KIRREL3: variants seen among roughly 807,000 people sequenced by gnomAD.
The protein encoded by KIRREL3 is kirre like nephrin family adhesion molecule 3, also known as kin of IRRE-like protein 3.
KIRREL3 carries 36 observed loss-of-function variants against 89.7 expected under a neutral mutation model. The ratio of observed to expected loss-of-function variants is 0.40; its 90% CI spans 0.31 to 0.53. The LOEUF (loss-of-function observed/expected upper bound fraction) is 0.53, where lower values mean the gene tolerates loss of function less well. KIRREL3 is among the 20% of genes least tolerant of loss of function. The pLI, the probability that KIRREL3 is intolerant of heterozygous loss-of-function variation, is 0.49. For missense variants in KIRREL3, 864 were observed against 1,056.6 expected (o/e 0.82, Z 2.53); for synonymous variants, 445 against 441.4 (o/e 1.01, Z -0.10).
At chr11:126,779,523 A>G (rs1199692198) in intron 1 of KIRREL3, among the ~76,000 whole-genome samples, 1 of 152,112 alleles carries the variant, frequency 6.6e-6, no homozygotes, top group Non-Finnish European at 1.5e-5. Context: ...ATCTTGCCCA[A>G]TCATTATAAC....
intron 11 of KIRREL3, among the ~76,000 whole-genome samples, chr11:126,438,492 C>A (rs534261240): frequency 6.6e-6 from 1 of 152,218 alleles, no homozygotes; most frequent in Non-Finnish European, 1.5e-5. Context: ...TCTACACACC[C>A]GGTGCCAGGA....
rs1343562957 is a variant in KIRREL3, at chr11:126,677,699, T to G, written c.56-114787A>C. On this transcript the variant is annotated intron_variant, in intron 1 of 16. Coordinates refer to ENST00000525144, the MANE Select transcript of KIRREL3 (RefSeq NM_032531.4). This position sits in a 1 kb window ranked among gnomAD's most constrained non-coding sequence, Gnocchi z 5.1. ...TCCACCAGCAGCTCGCACGAGTGGGTCCTCCCAGAATGAGTCCAGGGGAGC... is the reference window on the plus strand; with the variant it reads ...TCCACCAGCAGCTCGCACGAGTGGGGCCTCCCAGAATGAGTCCAGGGGAGC... Among the ~76,000 whole-genome samples, 1 of 151,794 alleles carries G rather than the reference T, an allele frequency of 6.6e-6. No individual in the cohort carries two copies. Among genetic ancestry groups the G allele is most frequent in the African/African-American group, 2.4e-5 (1 of 41,288 alleles).
intron 1 of KIRREL3, among the ~76,000 whole-genome samples, chr11:126,998,743 A>G (rs543048588): frequency 6.6e-6 from 1 of 152,312 alleles, no homozygotes; most frequent in South Asian, 2.1e-4. Context: ...CAATCTACAT[A>G]AGTATCACGG....
Position 126,882,113 on chromosome 11 carries a change from C to T in KIRREL3, c.55+118342G>A, listed in dbSNP as rs75651328. On this transcript the variant is annotated intron_variant, in intron 1 of 16. Coordinates refer to ENST00000525144, the MANE Select transcript of KIRREL3 (RefSeq NM_032531.4). ...TGGAACATCTAGGAAATGAGCAGTT[C>T]AGTCCTGGAAACTTTGTTCACCCTG... 1.4e-3 allele frequency among the ~76,000 whole-genome samples: 211 copies of T among 152,230 alleles called. 3 individuals are homozygous for T. The highest frequency in any genetic ancestry group is 4.1e-3 in the African/African-American group (172 of 41,532).
chr11:126,712,563 C>A (rs543536477), intron 1 of KIRREL3, among the ~76,000 whole-genome samples: 1 of 152,188 alleles, frequency 6.6e-6, no homozygotes, highest in Non-Finnish European at 1.5e-5. Flanking sequence ...ATATTGCCAC[C>A]TCATTCTCCG....
At chr11:126,952,567 C>A (rs925498835) in intron 1 of KIRREL3, among the ~76,000 whole-genome samples, 2 of 152,156 alleles carry the variant, frequency 1.3e-5, no homozygotes, top group African/African-American at 4.8e-5. Context: ...TTTTGCTATG[C>A]AGAAGCTCTT....
rs1403058872 is a variant in KIRREL3, at chr11:126,953,234, C to G, written c.55+47221G>C. Among the ~76,000 whole-genome samples the G allele has an allele frequency of 6.6e-6, 1 of 150,888 alleles. No individual in the cohort carries two copies. Among genetic ancestry groups the G allele is most frequent in the Non-Finnish European group, 1.5e-5 (1 of 67,904 alleles). ...CATTCTCAGCAAACTAACACAGGAA[C>G]AGAAAACCAAATATCACATGTTCTC... On this transcript the variant is annotated intron_variant, in intron 1 of 16. Coordinates refer to ENST00000525144, the MANE Select transcript of KIRREL3 (RefSeq NM_032531.4). This position sits in a 1 kb window ranked among gnomAD's most constrained non-coding sequence, Gnocchi z 5.2.
At chr11:126,832,080 G>A (rs1003006600) in intron 1 of KIRREL3, among the ~76,000 whole-genome samples, 1 of 152,098 alleles carries the variant, frequency 6.6e-6, no homozygotes, top group Admixed American at 6.5e-5. Context: ...AAGTATTTCT[G>A]CCTTTACACT....
intron 1 of KIRREL3, among the ~76,000 whole-genome samples, chr11:126,698,550 GC>G (rs1174040153): frequency 6.6e-6 from 1 of 152,184 alleles, no homozygotes; most frequent in African/African-American, 2.4e-5. Flanking sequence ...CGTGCATCCC[GC>G]AGGTGGCAAG....
At chr11:126,930,550 T>C (rs978805192) in intron 1 of KIRREL3, among the ~76,000 whole-genome samples, 7 of 152,218 alleles carry the variant, frequency 4.6e-5, no homozygotes, top group African/African-American at 1.4e-4. Flanking sequence ...TAAGAAAATA[T>C]ACTTTCTTGG....
At chr11:126,731,323 G>T (rs1474606446) in intron 1 of KIRREL3, among the ~76,000 whole-genome samples, 1 of 152,068 alleles carries the variant, frequency 6.6e-6, no homozygotes, top group African/African-American at 2.4e-5. Context: ...CCACTGCCTA[G>T]GTCTCAAATG....
chr11:126,899,655 G>A (rs1001605824), intron 1 of KIRREL3, among the ~76,000 whole-genome samples: 3 of 152,236 alleles, frequency 2.0e-5, no homozygotes, highest in Admixed American at 1.3e-4. Context: ...CAAGGACTGA[G>A]GTTTGGAAAC....
At chr11:126,629,240 C>A (rs1401757290) in intron 1 of KIRREL3, among the ~76,000 whole-genome samples, 1 of 152,128 alleles carries the variant, frequency 6.6e-6, no homozygotes, top group Admixed American at 6.5e-5. Context: ...AGGGACTGTG[C>A]ACATGTGGGT....
chr11:126,919,235 T>C (rs1055863231), intron 1 of KIRREL3, among the ~76,000 whole-genome samples: 1 of 152,122 alleles, frequency 6.6e-6, no homozygotes, highest in Non-Finnish European at 1.5e-5. Context: ...TTGAGCGCTG[T>C]GGTAGGTGCA....
intron 1 of KIRREL3, among the ~76,000 whole-genome samples, chr11:126,681,417 T>G (rs1045241860): frequency 6.6e-6 from 1 of 152,186 alleles, no homozygotes; most frequent in African/African-American, 2.4e-5. Flanking sequence ...GCACGAAGCT[T>G]GAGGTAGGTG....
intron 1 of KIRREL3, among the ~76,000 whole-genome samples, chr11:126,815,750 C>T (rs948727652): frequency 3.3e-5 from 5 of 152,016 alleles, no homozygotes; most frequent in Admixed American, 6.6e-5. Context: ...TTAGTCAGGA[C>T]GGTCTCGATC....
At chr11:126,966,062 T>G (rs745381410) in intron 1 of KIRREL3, among the ~76,000 whole-genome samples, 1 of 152,200 alleles carries the variant, frequency 6.6e-6, no homozygotes, top group Non-Finnish European at 1.5e-5. Flanking sequence ...GGTTAGCTGA[T>G]GCCAGGGTCT....
At position 126,541,596 on chromosome 11, in the gene KIRREL3, C is replaced by T. The variant is rs965393694; in HGVS notation, c.134-14909G>A. Among the ~76,000 whole-genome samples the T allele has an allele frequency of 6.6e-6, 1 of 152,214 alleles. No homozygotes were observed. Among genetic ancestry groups the T allele is most frequent in the Admixed American group, 6.5e-5 (1 of 15,280 alleles). ...CTAAAACTTCCATGTGCATGAGGAT[C>T]ACCTGGGGGACTGGCTAAAAATAAC... On this transcript the variant is annotated intron_variant, in intron 2 of 16. Coordinates refer to ENST00000525144, the MANE Select transcript of KIRREL3 (RefSeq NM_032531.4). The surrounding 1 kb of genome is among the most constrained non-coding windows in gnomAD (Gnocchi z 4.8).
chr11:126,859,727 C>T (rs1248142951), intron 1 of KIRREL3, among the ~76,000 whole-genome samples: 4 of 152,182 alleles, frequency 2.6e-5, no homozygotes, highest in African/African-American at 9.7e-5. Context: ...CCCAAGGTTT[C>T]TTCCTCTTCT....
Sources: gnomAD v4.1 joint callset for allele counts (sites outside exome capture counted in the v4.1 genomes callset) on GRCh38, gnomAD v4.1.1 for gene constraint, Gnocchi (gnomAD v3.1) non-coding constraint, MANE v1.5 for transcripts, NCBI Gene and HGNC (gene_info 2026-07-23, HGNC 2026-07-21) for gene names.